The following ZFP64 variants were observed in gnomAD, a reference collection of about 807,000 sequenced individuals.
ZFP64 encodes ZFP64 zinc finger protein.
ZFP64 carries 14 observed loss-of-function variants against 51.6 expected under a neutral mutation model. That is an observed-to-expected ratio of 0.27 (90% CI 0.18 to 0.42). ZFP64 has a LOEUF of 0.42. Among genes scored for constraint, ZFP64 ranks in the 10% least tolerant of loss-of-function variants. The pLI is 1.00. For missense variants in ZFP64, 754 were observed against 906.8 expected, an observed-to-expected ratio of 0.83 and a Z score of 2.16; for synonymous variants, 375 against 361.4, an observed-to-expected ratio of 1.04 and a Z score of -0.43.
At chr20:52,115,129 G>C (rs1052059294) in intron 5 of ZFP64, among the ~76,000 whole-genome samples, 2 of 151,242 alleles carry the variant, frequency 1.3e-5, no homozygotes, top group Non-Finnish European at 2.9e-5. Context: ...GCATGAACCC[G>C]GGAGGCAGAG....
At chr20:52,094,710 G>A (rs1031845276) in intron 7 of ZFP64, among the ~76,000 whole-genome samples, 1 of 152,062 alleles carries the variant, frequency 6.6e-6, no homozygotes. Flanking sequence ...TCCAGCCTGG[G>A]TGACAGAGCA....
intron 2 of ZFP64, among the ~76,000 whole-genome samples, chr20:52,169,926 G>A (rs951833261): frequency 2.6e-5 from 4 of 152,070 alleles, no homozygotes; most frequent in African/African-American, 9.7e-5. Flanking sequence ...GGTGGCATAT[G>A]CCTGTAATCC....
chr20:52,130,847 G>A (rs554531030), intron 5 of ZFP64, among the ~76,000 whole-genome samples: 10 of 152,144 alleles, frequency 6.6e-5, no homozygotes, highest in East Asian at 1.9e-4. Context: ...AGGCTGAGGC[G>A]GGTAGATCAC....
At chr20:52,145,633 T>C (rs1980487234) in intron 5 of ZFP64, among the ~76,000 whole-genome samples, 1 of 152,148 alleles carries the variant, frequency 6.6e-6, no homozygotes, top group African/African-American at 2.4e-5. Context: ...AGTAATACCC[T>C]TTCTCAAAAA....
intron 5 of ZFP64, chr20:52,111,118 A>C (rs1978546143): frequency 1.2e-6 from 1 of 814,576 alleles, no homozygotes; most frequent in Non-Finnish European, 2.1e-6. Context: ...GGAGCGGGGC[A>C]CGGCGGCAGC....
At chr20:52,118,008 G>C (rs1254264872) in intron 5 of ZFP64, among the ~76,000 whole-genome samples, 1 of 151,948 alleles carries the variant, frequency 6.6e-6, no homozygotes. Flanking sequence ...ACATTGCCCA[G>C]GCTGGTCTTG....
At chr20:52,149,923 TA>T (rs1409322056), downstream of ZFP64, among the ~76,000 whole-genome samples, 1 of 152,056 alleles carries the variant, frequency 6.6e-6, no homozygotes, top group East Asian at 1.9e-4. Context: ...AAAAGATTGA[TA>T]GGGGCCAGGT....
chr20:52,157,719 G>A (rs567902116), intron 5 of ZFP64, among the ~76,000 whole-genome samples: 14 of 152,204 alleles, frequency 9.2e-5, no homozygotes, highest in African/African-American at 2.6e-4. Context: ...TGTGCAGAAC[G>A]TGCAGGTTTG....
intron 2 of ZFP64, among the ~76,000 whole-genome samples, chr20:52,180,185 C>A (rs1035760621): frequency 3.3e-4 from 50 of 152,214 alleles, no homozygotes; most frequent in African/African-American, 1.1e-3. Flanking sequence ...ACACCAAGAC[C>A]CAGCTAATCA....
chr20:52,107,209 G>A (rs1257166180), intron 5 of ZFP64, among the ~76,000 whole-genome samples: 1 of 152,186 alleles, frequency 6.6e-6, no homozygotes, highest in East Asian at 1.9e-4. Flanking sequence ...GGGGATGGGA[G>A]ACATCTGAGA....
In ZFP64 at chr20:52,121,057, T is replaced by C. The variant is rs545949050; in HGVS notation, c.764-22470A>G. Among the ~76,000 whole-genome samples, 40 of 152,298 alleles carry C rather than the reference T, an allele frequency of 2.6e-4. No homozygotes were observed. In the South Asian group the frequency reaches 8.3e-3, roughly 32 times the overall value. On this transcript the variant is annotated intron_variant, in intron 5 of 8. Transcript: ENST00000361387. The stretch of plus-strand genomic sequence containing the variant: ...GTGCCCATGTAAGACGGGAACTTAA[T>C]TGACAAGTGTTGTGTGTGTTCTGAC...
At chr20:52,095,917 A>G (rs1347941198) in intron 7 of ZFP64, among the ~76,000 whole-genome samples, 1 of 152,200 alleles carries the variant, frequency 6.6e-6, no homozygotes, top group Non-Finnish European at 1.5e-5. Flanking sequence ...CCACTCTGAG[A>G]TTCCTCAAAC....
chr20:52,145,110 A>G (rs1190349974), intron 5 of ZFP64, among the ~76,000 whole-genome samples: 1 of 152,220 alleles, frequency 6.6e-6, no homozygotes, highest in African/African-American at 2.4e-5. Context: ...ACAAGCTCCA[A>G]TTTATTTTTA....
At chr20:52,135,308 G>T (rs1979915387) in intron 5 of ZFP64, among the ~76,000 whole-genome samples, 1 of 152,192 alleles carries the variant, frequency 6.6e-6, no homozygotes, top group African/African-American at 2.4e-5. Flanking sequence ...AATATTGACT[G>T]TGGCTATTTC....
intron 5 of ZFP64, chr20:52,105,316 C>G (rs1430355190): frequency 1.6e-6 from 2 of 1,254,750 alleles, no homozygotes; most frequent in Non-Finnish European, 2.0e-6. Context: ...CGGAAATTAC[C>G]CCCCTTCGGC....
chr20:52,117,792 T>G (rs62216888), intron 5 of ZFP64: 68,893 of 412,472 alleles, frequency 0.17, 6,559 homozygotes, highest in Middle Eastern at 0.21. Flanking sequence ...ATTTTATGAT[T>G]ATTATTCTTT....
chr20:52,093,951 CA>C (rs1320772156), intron 7 of ZFP64, among the ~76,000 whole-genome samples: 1 of 152,142 alleles, frequency 6.6e-6, no homozygotes, highest in African/African-American at 2.4e-5. Context: ...GATTATATCA[CA>C]ATATGATTTT....
At position 52,102,905 on chromosome 20, in the gene ZFP64, C is replaced by T. The variant is rs1023898480; in HGVS notation, c.764-4318G>A. 2.6e-5 allele frequency among the ~76,000 whole-genome samples: 4 copies of T among 152,130 alleles called. No homozygotes were observed. The South Asian group carries it at 6.2e-4, about 24-fold the overall frequency. ...TTAGTGTTATTCACTGATATACACA[C>T]GTAAGATTCTACCAGATTCTCAGGG... On this transcript the variant is annotated intron_variant, in intron 5 of 8. Coordinates refer to the ZFP64 transcript ENST00000361387.
rs181477027 is a variant in ZFP64, at chr20:52,177,644, G to A, written c.286+9188C>T. ...ACAGGAGGAAGACGGAAAGAACTCC[G>A]CACCTTTGAGCTGCCGAACTGACCT... is the stretch of plus-strand genomic sequence containing the variant. On this transcript the variant is annotated intron_variant, in intron 2 of 5. Transcript: ENST00000216923. Among the ~76,000 whole-genome samples, 26 of 151,956 alleles carry A rather than the reference G, an allele frequency of 1.7e-4. No individual in the cohort carries two copies. In the East Asian group the frequency reaches 3.9e-3, roughly 23 times the overall value.
Sources: allele counts gnomAD v4.1 joint callset (sites outside exome capture counted in the v4.1 genomes callset), GRCh38; gene constraint gnomAD v4.1.1; transcripts MANE v1.5; gene names NCBI Gene and HGNC (gene_info 2026-07-23, HGNC 2026-07-21).